USP26: variants seen among roughly 807,000 people sequenced by gnomAD.
The protein encoded by USP26 is ubiquitin specific peptidase 26.
For missense variants in USP26, 649 were observed against 642.3 expected (o/e 1.01, Z -0.11); for synonymous variants, 236 against 240.6 (o/e 0.98, Z 0.18).
intron 5 of USP26, among the ~76,000 whole-genome samples, chrX:133,041,797 G>A (rs896541686): frequency 8.9e-6 from 1 of 112,214 alleles, no homozygotes; most frequent in Non-Finnish European, 1.9e-5. Context: ...TAAGTTTGCT[G>A]AAGCTGTGCC....
intron 5 of USP26, among the ~76,000 whole-genome samples, chrX:133,074,048 T>A (rs1235296149): frequency 8.9e-6 from 1 of 111,859 alleles, no homozygotes; most frequent in Non-Finnish European, 1.9e-5. Context: ...AGGTGCACAG[T>A]GGAATGGAAC....
intron 5 of USP26, among the ~76,000 whole-genome samples, chrX:133,076,296 T>C (rs1403088383): frequency 9.0e-6 from 1 of 111,164 alleles, no homozygotes; most frequent in African/African-American, 3.3e-5. Context: ...TCTTCCACAA[T>C]GGTGACAGAC....
intron 5 of USP26, among the ~76,000 whole-genome samples, chrX:133,070,216 G>C (rs1387916959): frequency 8.9e-6 from 1 of 112,006 alleles, no homozygotes; most frequent in Non-Finnish European, 1.9e-5. Flanking sequence ...ACATTGGAGA[G>C]AAGGCTGTTG....
intron 5 of USP26, among the ~76,000 whole-genome samples, chrX:133,054,961 C>CT (rs770676143): frequency 8.9e-5 from 10 of 112,270 alleles, no homozygotes; most frequent in Non-Finnish European, 1.3e-4. Context: ...ATGGCTGCTG[C>CT]TTAAATGCAG....
At chrX:133,038,085 C>T (rs778827430) in intron 5 of USP26, among the ~76,000 whole-genome samples, 2 of 111,573 alleles carry the variant, frequency 1.8e-5, no homozygotes, top group Non-Finnish European at 3.8e-5. Context: ...ATGGGGTTTT[C>T]TAAATATACA....
intron 5 of USP26, among the ~76,000 whole-genome samples, chrX:133,048,158 T>C (rs2067446751): frequency 9.0e-6 from 1 of 111,718 alleles, no homozygotes; most frequent in South Asian, 3.8e-4. Flanking sequence ...TTTGTCAAGG[T>C]AGAGTTACCC....
chrX:133,075,691 GA>G (rs957895880), intron 5 of USP26, among the ~76,000 whole-genome samples: 1 of 109,619 alleles, frequency 9.1e-6, no homozygotes, highest in African/African-American at 3.3e-5. Flanking sequence ...TAAAAAATAA[GA>G]AAAAAAAATA....
At chrX:133,048,916 C>G (rs1466746736) in intron 5 of USP26, among the ~76,000 whole-genome samples, 1 of 111,674 alleles carries the variant, frequency 9.0e-6, no homozygotes, top group Non-Finnish European at 1.9e-5. Flanking sequence ...TGGTGAGCCA[C>G]CTATGCTTAC....
intron 1 of USP26, among the ~76,000 whole-genome samples, chrX:133,094,607 C>T (rs913966083): frequency 9.0e-6 from 1 of 110,962 alleles, no homozygotes; most frequent in Non-Finnish European, 1.9e-5. Context: ...ACTGAAATAC[C>T]TCCGTCTTTT....
chrX:133,084,512 CTTTT>C (rs34922544), intron 4 of USP26, among the ~76,000 whole-genome samples: 2 of 71,138 alleles, frequency 2.8e-5, no homozygotes, highest in Admixed American at 1.6e-4. Context: ...GGCAGAACTT[CTTTT>C]TTTTTTTTTT....
At chrX:133,079,663 G>A (rs111986163) in intron 5 of USP26, among the ~76,000 whole-genome samples, 3,351 of 111,189 alleles carry the variant, frequency 0.03, 76 homozygotes, top group East Asian at 0.1. Context: ...AGGATGACCA[G>A]TACCCAAGAA....
Position 133,028,111 on chromosome X carries a change from CTA to C in USP26, c.108_109del (p.Asp36GlufsTer12), listed in dbSNP as rs2067362404. 2 of 1,211,487 alleles carry C rather than the reference CTA, an allele frequency of 1.7e-6. No homozygotes were observed. The highest frequency in any genetic ancestry group is 2.2e-6 in the Non-Finnish European group (2 of 895,266). ...TCCACTTTTGAAATACAGCACCAGT[CTA>C]TCTTTCTTCTTTCTTTCCACTGCTT... is the stretch of plus-strand genomic sequence containing the variant. On this transcript the variant is annotated frameshift_variant, in exon 6 of 6. Transcript: ENST00000511190. LOFTEE classifies it low-confidence loss of function (END_TRUNC).
Position 133,027,801 on chromosome X carries a change from A to T in USP26, c.420T>A (p.Ser140Arg), listed in dbSNP as rs2067359880. Residue 140 changes from serine (S) to arginine (R), a missense_variant, in exon 6 of 6, where the codon AGT (serine) becomes AGA (arginine). By Grantham distance (110) the Ser-to-Arg change is moderately radical. Transcript: ENST00000511190. ...CTTTTGCTATCTCAAAAGATTTGCT[A>T]CTTGATTTCTCATCAACTTTGTGGA... ...TSFHKVDEKS[S>R]SKSFEIAKGS... 1 of 1,209,452 alleles carries T rather than the reference A, an allele frequency of 8.3e-7. No homozygotes were observed. Among genetic ancestry groups the T allele is most frequent in the African/African-American group, 1.7e-5 (1 of 57,530 alleles).
At chrX:133,086,325 C>T (rs751833022) in intron 4 of USP26, among the ~76,000 whole-genome samples, 2 of 111,732 alleles carry the variant, frequency 1.8e-5, no homozygotes, top group South Asian at 3.8e-4. Context: ...TCCACCATCA[C>T]GGCTGGGAAT....
rs780517774 is a variant in USP26, at chrX:133,026,962, A to C, written c.1259T>G (p.Val420Gly). ...EFGEDNFPKQ[V>G]FADDPDTSGF... ...ACTGGTGTCAGGATCATCAGCAAAA[A>C]CCTGTTTAGGAAAATTATCTTCCCC... Residue 420 changes from valine (V) to glycine (G), a missense_variant, in exon 6 of 6, where the codon GTT becomes GGT. Physicochemically the swap from Val to Gly is moderately radical, Grantham distance 109. Coordinates refer to ENST00000511190, the MANE Select transcript of USP26 (RefSeq NM_031907.3). The C allele has an allele frequency of 1.2e-5, 15 of 1,210,954 alleles. No individual in the cohort carries two copies. The highest frequency in any genetic ancestry group is 1.7e-5 in the Non-Finnish European group (15 of 895,229).
intron 5 of USP26, among the ~76,000 whole-genome samples, chrX:133,075,469 A>C (rs897350910): frequency 8.9e-6 from 1 of 111,938 alleles, no homozygotes; most frequent in African/African-American, 3.2e-5. Context: ...AATTACTCTG[A>C]AGTTCTCTCC....
rs761320003 is a variant in USP26, at chrX:133,026,759, C to CA, written c.1461dup (p.Gly488TrpfsTer6). On this transcript the variant is annotated frameshift_variant, in exon 6 of 6. Transcript: ENST00000511190. LOFTEE classifies it low-confidence loss of function (END_TRUNC). ...CATTTATACTCAAGCTCTTCTGCTC[C>CA]AAAAAAAAGATCAAAAGTAGACTGA... 16 of 1,206,588 alleles carry CA rather than the reference C, an allele frequency of 1.3e-5. No homozygotes were observed. Among genetic ancestry groups the CA allele is most frequent in the Middle Eastern group, 2.3e-4 (1 of 4,369 alleles).
chrX:133,087,874 C>T (rs934775448), intron 4 of USP26, among the ~76,000 whole-genome samples: 1 of 111,338 alleles, frequency 9.0e-6, no homozygotes, highest in Non-Finnish European at 1.9e-5. Flanking sequence ...ATTTATAGAA[C>T]GTGAAAATTT....
rs775794651 is a variant in USP26 at position 133,025,204 on chromosome X, G to A, written c.*275C>T. 23 of 352,865 alleles carry A rather than the reference G, an allele frequency of 6.5e-5. No individual in the cohort carries two copies. Among genetic ancestry groups the A allele is most frequent in the Admixed American group, 1.9e-4 (4 of 21,424 alleles). 29.1% of individuals were successfully genotyped at this position (352,865 alleles called of 1,213,427 possible). A position where few individuals can be genotyped will look rare whatever the true frequency, so the allele number is the denominator to read the frequency against. On this transcript the variant is annotated 3_prime_UTR_variant, in exon 6 of 6. Coordinates refer to ENST00000511190, the MANE Select transcript of USP26 (RefSeq NM_031907.3). ...ACTGCACTCTAGCCAGGATGACAGA[G>A]CAAGACCCTGACTATATTAAAATGA...
Sources: gnomAD v4.1 joint callset for allele counts (sites outside exome capture counted in the v4.1 genomes callset) on GRCh38, gnomAD v4.1.1 for gene constraint, MANE v1.5 for transcripts, NCBI Gene and HGNC (gene_info 2026-07-23, HGNC 2026-07-21) for gene names.